The following RHBDL3 variants were observed in gnomAD, a reference collection of about 807,000 sequenced individuals.
RHBDL3 encodes rhomboid like 3.
A neutral mutation model predicts 48.2 loss-of-function variants in RHBDL3; 28 were observed. The ratio of observed to expected loss-of-function variants is 0.58; its 90% confidence interval spans 0.43 to 0.80. The LOEUF (loss-of-function observed/expected upper bound fraction) is 0.80. RHBDL3 is among the 30% of genes least tolerant of loss of function. The pLI is 0.00. For missense variants in RHBDL3, 464 were observed against 542.7 expected (o/e 0.85, Z 1.44); for synonymous variants, 208 against 232.3 (o/e 0.90, Z 0.95).
rs2150684376 is a variant in RHBDL3 at position 32,267,925 on chromosome 17, G to A, written c.135G>A (p.Gln45=). ...PEDHWKVLFD[Q]FDPGNTGYIS... ...AGCACTGGAAAGTCCTGTTTGATCA[G>A]GTATGTGAGCAGTTAACCCCCCATT... Residue 45 remains glutamine (Q), a splice_region_variant and synonymous_variant, in exon 2 of 9, where the codon CAG becomes CAA. Coordinates refer to ENST00000269051, the MANE Select transcript of RHBDL3 (RefSeq NM_138328.3). 1.9e-6 allele frequency: 3 copies of A among 1,609,646 alleles called. No homozygotes were observed. The South Asian group carries it at 3.3e-5, about 18-fold the overall frequency.
At position 32,265,947 on chromosome 17, in the gene RHBDL3, C is replaced by T. The variant is rs866383558; in HGVS notation, c.-243C>T. On this transcript the variant is annotated 5_prime_UTR_variant, in exon 1 of 9. Coordinates refer to ENST00000269051, the MANE Select transcript of RHBDL3 (RefSeq NM_138328.3). ...GCGAGGGCCGGGGCGGAGGCGGAGG[C>T]CGGCGGGGCAGCTAGCGCAGTGAAG... Among the ~76,000 whole-genome samples, 273 of 146,696 alleles carry T rather than the reference C, an allele frequency of 1.9e-3. No individual in the cohort carries two copies. The highest frequency in any genetic ancestry group is 6.5e-3 in the African/African-American group (264 of 40,922).
Position 32,321,457 on chromosome 17 carries a change from G to C in RHBDL3, c.*228G>C. On this transcript the variant is annotated 3_prime_UTR_variant, in exon 9 of 9. Transcript: ENST00000269051. ...TGCTGTCGTTTTTCTCGGCTGCTCT[G>C]ATGACATCGGGCCAGGGTGAAGGTC... The C allele has an allele frequency of 7.9e-7, 1 of 1,269,308 alleles. No homozygotes were observed. Among genetic ancestry groups the C allele is most frequent in the Non-Finnish European group, 1.1e-6 (1 of 925,334 alleles). The allele number at this position is 1,269,308 out of a possible 1,614,324, so 78.6% of individuals were successfully genotyped here. A position where few individuals can be genotyped will look rare whatever the true frequency, so the allele number is the denominator to read the frequency against.
intron 7 of RHBDL3, among the ~76,000 whole-genome samples, chr17:32,306,981 A>C (rs2040726012): frequency 6.6e-6 from 1 of 152,232 alleles, no homozygotes; most frequent in Admixed American, 6.5e-5. Context: ...ATAAAGTGCA[A>C]ATAACCACCT....
At chr17:32,266,640 C>T (rs1015306917) in intron 1 of RHBDL3, among the ~76,000 whole-genome samples, 4 of 152,214 alleles carry the variant, frequency 2.6e-5, no homozygotes, top group Admixed American at 6.5e-5. Context: ...CGGTGACTCC[C>T]CCTCCCCTCA....
chr17:32,266,350 A>G (rs1191853779), intron 1 of RHBDL3, 50 bp downstream of exon 1: 21 of 1,005,468 alleles, frequency 2.1e-5, no homozygotes, highest in East Asian at 3.4e-5. Flanking sequence ...CGCCGGGGGG[A>G]AAAGCCGCCC....
intron 3 of RHBDL3, among the ~76,000 whole-genome samples, chr17:32,285,961 C>T (rs1044589952): frequency 6.6e-6 from 1 of 152,182 alleles, no homozygotes; most frequent in Non-Finnish European, 1.5e-5. Flanking sequence ...TTGCAAGGAG[C>T]TGCTGTGGGG....
At chr17:32,268,158 G>C (rs1174473963) in intron 2 of RHBDL3, among the ~76,000 whole-genome samples, 1 of 152,162 alleles carries the variant, frequency 6.6e-6, no homozygotes, top group Non-Finnish European at 1.5e-5. Context: ...TGCTGCACCA[G>C]AGCCGGGTTT....
intron 7 of RHBDL3, among the ~76,000 whole-genome samples, chr17:32,308,429 A>G (rs2040760882): frequency 6.6e-6 from 1 of 151,824 alleles, no homozygotes; most frequent in Non-Finnish European, 1.5e-5. Context: ...AAAATACAAA[A>G]AATTATCCTG....
intron 2 of RHBDL3, among the ~76,000 whole-genome samples, chr17:32,269,097 C>G (rs1432659998): frequency 1.3e-5 from 2 of 152,100 alleles, no homozygotes; most frequent in Admixed American, 1.3e-4. Flanking sequence ...CTTGTAATCC[C>G]AACACTTTGG....
chr17:32,267,866 C>T (rs752149155), intron 1 of RHBDL3, 36 bp from the exon 2 acceptor site: 3 of 1,613,940 alleles, frequency 1.9e-6, no homozygotes, highest in East Asian at 4.5e-5. Flanking sequence ...TTTCTCTCCT[C>T]TTCTTCCTCT....
chr17:32,299,786 A>G (rs1026279586), intron 6 of RHBDL3, among the ~76,000 whole-genome samples: 2 of 152,212 alleles, frequency 1.3e-5, no homozygotes, highest in Non-Finnish European at 1.5e-5. Flanking sequence ...GAATGTGAGC[A>G]TGTAGGGCTG....
intron 2 of RHBDL3, among the ~76,000 whole-genome samples, chr17:32,269,462 C>T (rs1223012679): frequency 3.3e-5 from 5 of 152,204 alleles, no homozygotes; most frequent in African/African-American, 7.2e-5. Flanking sequence ...CCGGAGTGGG[C>T]GTGATGACAC....
At chr17:32,302,531 G>GTATA (rs141019006) in intron 6 of RHBDL3, among the ~76,000 whole-genome samples, 2,824 of 122,430 alleles carry the variant, frequency 0.023, 50 homozygotes, top group African/African-American at 0.043. Flanking sequence ...GCTAATTTTT[G>GTATA]TATATATATA....
At chr17:32,315,493 GGGAGTTGTTT>G (rs2040948966) in intron 7 of RHBDL3, among the ~76,000 whole-genome samples, 1 of 152,126 alleles carries the variant, frequency 6.6e-6, no homozygotes, top group Non-Finnish European at 1.5e-5. Context: ...AGGGGAGAGA[GGGAGTTGTTT>G]GAAGGCCACC....
chr17:32,271,721 T>C (rs1012400055), intron 2 of RHBDL3, among the ~76,000 whole-genome samples: 1 of 152,138 alleles, frequency 6.6e-6, no homozygotes, highest in African/African-American at 2.4e-5. Context: ...GCTTTCAAGC[T>C]CAAAAGAACA....
chr17:32,287,977 C>G (rs1335330519), intron 3 of RHBDL3, among the ~76,000 whole-genome samples: 1 of 152,230 alleles, frequency 6.6e-6, no homozygotes, highest in Non-Finnish European at 1.5e-5. Flanking sequence ...GTCAGAGAAG[C>G]TTCAGGCCGC....
At chr17:32,301,665 AC>A (rs1354624907) in intron 6 of RHBDL3, among the ~76,000 whole-genome samples, 3 of 152,086 alleles carry the variant, frequency 2.0e-5, no homozygotes, top group Non-Finnish European at 4.4e-5. Flanking sequence ...TACTGAAAAT[AC>A]AAAAATTAGC....
chr17:32,279,339 T>C (rs1202600569), intron 2 of RHBDL3, among the ~76,000 whole-genome samples: 1 of 152,220 alleles, frequency 6.6e-6, no homozygotes, highest in Non-Finnish European at 1.5e-5. Context: ...CGAATGGAGC[T>C]GCCCTGCCTG....
In RHBDL3 at chr17:32,300,904, G is replaced by A. The variant is rs138650812; in HGVS notation, c.781+2700G>A. Among the ~76,000 whole-genome samples the A allele has an allele frequency of 5.1e-3, 765 of 150,806 alleles. 10 individuals carry two copies. Among genetic ancestry groups the A allele is most frequent in the African/African-American group, 0.017 (677 of 40,888 alleles). On this transcript the variant is annotated intron_variant, in intron 6 of 8. Coordinates refer to ENST00000269051, the MANE Select transcript of RHBDL3 (RefSeq NM_138328.3). ...CCTTTTTTTTTTTTGATTTTGAGACGGAGTCTCACTGTGTCACCCAGGCTG... is the reference window on the plus strand; with the variant it reads ...CCTTTTTTTTTTTTGATTTTGAGACAGAGTCTCACTGTGTCACCCAGGCTG...
Sources: gnomAD v4.1 joint callset for allele counts (sites outside exome capture counted in the v4.1 genomes callset) on GRCh38, gnomAD v4.1.1 for gene constraint, MANE v1.5 for transcripts, NCBI Gene and HGNC (gene_info 2026-07-23, HGNC 2026-07-21) for gene names.